CHST15: variants seen among roughly 807,000 people sequenced by gnomAD.
The protein encoded by CHST15 is carbohydrate sulfotransferase 15.
In CHST15, 30 loss-of-function variants were observed where a neutral mutation model predicts 53.6. The ratio of observed to expected loss-of-function variants is 0.56; its 90% CI spans 0.42 to 0.76. The LOEUF is 0.76. CHST15 is among the 30% of genes least tolerant of loss of function. The probability of loss-of-function intolerance (pLI) is 0.00; values close to 1 mark genes in which losing one functional copy is unlikely to be tolerated. For synonymous variants in CHST15, 296 were observed against 289.8 expected, an observed-to-expected ratio of 1.02 and a Z score of -0.22; for missense variants, 627 against 740.5, an observed-to-expected ratio of 0.85 and a Z score of 1.78.
At chr10:124,067,435 G>A (rs192625038) in intron 1 of CHST15, among the ~76,000 whole-genome samples, 10 of 152,266 alleles carry the variant, frequency 6.6e-5, no homozygotes, top group South Asian at 2.1e-4. Flanking sequence ...TCACACTGTC[G>A]GAACCTCTCA....
At chr10:124,042,191 T>G in intron 4 of CHST15, 110 bp downstream of exon 4, 1 of 1,142,272 alleles carries the variant, frequency 8.8e-7, no homozygotes, top group Admixed American at 2.3e-5. Context: ...AGAAGTTTGC[T>G]GCCACCATGT....
At chr10:124,073,429 C>T (rs1239865436) in intron 1 of CHST15, among the ~76,000 whole-genome samples, 5 of 152,174 alleles carry the variant, frequency 3.3e-5, no homozygotes, top group Non-Finnish European at 5.9e-5. Context: ...TGGTTAATGA[C>T]CAGAACAGAG....
chr10:124,073,745 CG>C (rs1377346064), intron 1 of CHST15, among the ~76,000 whole-genome samples: 1 of 152,214 alleles, frequency 6.6e-6, no homozygotes, highest in Admixed American at 6.5e-5. Flanking sequence ...TCCCATCAGA[CG>C]ACGCCCATTT....
chr10:124,061,883 G>A (rs1948585343), intron 1 of CHST15, among the ~76,000 whole-genome samples: 1 of 152,060 alleles, frequency 6.6e-6, no homozygotes, highest in African/African-American at 2.4e-5. Flanking sequence ...CATAAGGCAA[G>A]GCAGAGGTGG....
intron 2 of CHST15, among the ~76,000 whole-genome samples, chr10:124,045,133 A>AAAACAAAC (rs1564882311): frequency 6.9e-6 from 1 of 145,700 alleles, no homozygotes; most frequent in African/African-American, 2.7e-5. Context: ...AAAAAAAAAA[A>AAAACAAAC]AAAAAAAAAA....
chr10:124,063,358 G>T (rs77109218), intron 1 of CHST15, among the ~76,000 whole-genome samples: 1 of 152,038 alleles, frequency 6.6e-6, no homozygotes, highest in Non-Finnish European at 1.5e-5. Context: ...ACTCCAGCCT[G>T]GGGGGACAGA....
rs1947804477 is a variant in CHST15, at chr10:124,043,154, AAG to A, written c.887-709_887-708del. Among the ~76,000 whole-genome samples, 3 of 152,352 alleles carry A rather than the reference AAG, an allele frequency of 2.0e-5. No individual in the cohort carries two copies. The South Asian group carries it at 6.2e-4, about 32-fold the overall frequency. On this transcript the variant is annotated intron_variant, in intron 3 of 7. Transcript: ENST00000435907. ...ACTCCTGAAGTCAATGGAAATTGGA[AAG>A]AGAACATCCGTGGCCAAAGTAACAA... is the stretch of plus-strand genomic sequence containing the variant.
At chr10:124,088,751 T>A (rs1564921380) in intron 1 of CHST15, among the ~76,000 whole-genome samples, 1 of 152,210 alleles carries the variant, frequency 6.6e-6, no homozygotes, top group Admixed American at 6.5e-5. Context: ...CAGCACGTGA[T>A]AGGTCTTGCG....
intron 1 of CHST15, among the ~76,000 whole-genome samples, chr10:124,050,400 G>A (rs1948149871): frequency 6.6e-6 from 1 of 152,206 alleles, no homozygotes; most frequent in Non-Finnish European, 1.5e-5. Flanking sequence ...AAGAAAAGGG[G>A]GAGAGAGCAA....
At chr10:124,015,588 C>T (rs74821828) in intron 6 of CHST15, among the ~76,000 whole-genome samples, 5,474 of 152,172 alleles carry the variant, frequency 0.036, 303 homozygotes, top group East Asian at 0.26. Flanking sequence ...CGAGCCTCTC[C>T]GTCCCCTACT....
intron 5 of CHST15, among the ~76,000 whole-genome samples, chr10:124,026,396 C>T (rs1947011184): frequency 6.6e-6 from 1 of 152,154 alleles, no homozygotes; most frequent in South Asian, 2.1e-4. Flanking sequence ...GAAAGCCACT[C>T]GGATAGGTTA....
At chr10:124,060,394 C>T (rs577737070) in intron 1 of CHST15, among the ~76,000 whole-genome samples, 125 of 151,478 alleles carry the variant, frequency 8.3e-4, no homozygotes, top group African/African-American at 3.0e-3. Flanking sequence ...GTGCCAGGCC[C>T]CCCAGGGGTG....
Position 124,042,356 on chromosome 10 carries a change from T to C in CHST15, c.978A>G (p.Gln326=), listed in dbSNP as rs201098806. Residue 326 remains glutamine, a synonymous_variant, in exon 4 of 8, where the codon CAA becomes CAG. Transcript: ENST00000435907. ...LFDLAAHQIH[Q]GLQASSAKEQ... is the part of the protein sequence containing the mutation. The stretch of plus-strand genomic sequence containing the variant: ...CCTTTGCAGAGCTGGCCTGCAGTCC[T>C]TGATGGATCTGGTGTGCGGCCAGGT... 5 of 1,614,190 alleles carry C rather than the reference T, an allele frequency of 3.1e-6. No individual in the cohort carries two copies. The highest frequency in any genetic ancestry group is 1.7e-5 in the Admixed American group (1 of 60,026).
chr10:124,021,394 G>C lies in CHST15; in HGVS notation c.1209C>G (p.Leu403=), dbSNP rs766279667. The change falls in exon 6 of 8, where the codon CTC becomes CTG. Residue 403 remains leucine, a synonymous_variant. Transcript: ENST00000435907. The part of the protein sequence containing the change: ...DPVERLYSDY[L]YFASSNKSAD... The stretch of plus-strand genomic sequence containing the variant: ...CGGATTTATTCGAACTTGCAAAGTA[G>C]AGATAGTCTGAGTACAACCTGTGAA... 6.2e-7 allele frequency: 1 copy of C among 1,613,352 alleles called. No individual in the cohort carries two copies. Among genetic ancestry groups the C allele is most frequent in the South Asian group, 1.1e-5 (1 of 91,054 alleles).
rs1016061481 is a variant in CHST15, at chr10:124,019,734, A to G, written c.1347+1522T>C. Reference sequence around the variant, plus strand: ...GATATTCCTTTTCCACTCCTACACTATCTTCTGCTTAAAACCCTCTGAGGG... The same window carrying G: ...GATATTCCTTTTCCACTCCTACACTGTCTTCTGCTTAAAACCCTCTGAGGG... On this transcript the variant is annotated intron_variant, in intron 6 of 7. Coordinates refer to ENST00000435907, the MANE Select transcript of CHST15 (RefSeq NM_001270764.2). The surrounding 1 kb of genome is among the most constrained non-coding windows in gnomAD (Gnocchi z 4.6). The G allele has an allele frequency of 1.0e-6, 1 of 969,792 alleles. No homozygotes were observed. Among genetic ancestry groups the G allele is most frequent in the African/African-American group, 1.8e-5 (1 of 56,862 alleles). 60.1% of individuals were successfully genotyped at this position (969,792 alleles called of 1,614,324 possible).
At chr10:124,013,867 ACAC>A (rs1453121436) in intron 6 of CHST15, among the ~76,000 whole-genome samples, 1 of 151,686 alleles carries the variant, frequency 6.6e-6, no homozygotes, top group Non-Finnish European at 1.5e-5. Context: ...TCCCCAGTTC[ACAC>A]CACTCCCTTT....
chr10:124,049,505 C>G (rs1948119251), intron 1 of CHST15, among the ~76,000 whole-genome samples: 1 of 152,198 alleles, frequency 6.6e-6, no homozygotes, highest in African/African-American at 2.4e-5. Flanking sequence ...CAGATTAAGT[C>G]AATCACCAGT....
intron 4 of CHST15, among the ~76,000 whole-genome samples, chr10:124,040,623 C>G (rs1947696784): frequency 6.6e-6 from 1 of 152,208 alleles, no homozygotes; most frequent in African/African-American, 2.4e-5. Flanking sequence ...TGGGGCAGAG[C>G]TGAGTCACAT....
At chr10:124,084,746 C>T (rs1949365557) in intron 1 of CHST15, among the ~76,000 whole-genome samples, 1 of 152,230 alleles carries the variant, frequency 6.6e-6, no homozygotes, top group Non-Finnish European at 1.5e-5. Context: ...CGAACATCTT[C>T]CTAGAGCAAC....
Sources: allele counts gnomAD v4.1 joint callset (sites outside exome capture counted in the v4.1 genomes callset), GRCh38; gene constraint gnomAD v4.1.1; non-coding constraint Gnocchi (gnomAD v3.1); transcripts MANE v1.5; gene names NCBI Gene and HGNC (gene_info 2026-07-23, HGNC 2026-07-21).